Variants in FGF14 observed in about 807,000 individuals in gnomAD.
The protein encoded by FGF14 is fibroblast growth factor 14, also known as fibroblast growth factor homologous factor 4.
A neutral mutation model predicts 25.5 loss-of-function variants in FGF14; 5 were observed. The ratio of observed to expected loss-of-function variants is 0.20; its 90% CI spans 0.10 to 0.41. FGF14 has a LOEUF of 0.41. FGF14 is among the 10% of genes least tolerant of loss of function. The pLI, the probability that FGF14 is intolerant of heterozygous loss-of-function variation, is 1.00. For synonymous variants in FGF14, 138 were observed against 118.3 expected (o/e 1.17, Z -1.08); for missense variants, 222 against 320.1 (o/e 0.69, Z 2.34).
intron 1 of FGF14, among the ~76,000 whole-genome samples, chr13:102,147,444 T>C (rs1471023647): frequency 6.6e-6 from 1 of 152,184 alleles, no homozygotes; most frequent in Admixed American, 6.5e-5. Flanking sequence ...GAGAATGCAA[T>C]GCACAGATGA....
intron 1 of FGF14, among the ~76,000 whole-genome samples, chr13:102,169,428 G>A (rs939629675): frequency 2.6e-5 from 4 of 152,008 alleles, no homozygotes; most frequent in Admixed American, 6.6e-5. Flanking sequence ...CTCAGACAAA[G>A]TTTTGTGTGT....
At chr13:101,890,291 C>T (rs2046201930) in intron 1 of FGF14, among the ~76,000 whole-genome samples, 1 of 152,078 alleles carries the variant, frequency 6.6e-6, no homozygotes, top group African/African-American at 2.4e-5. Flanking sequence ...CAGTCCACAC[C>T]TGTAGCACAC....
chr13:101,851,462 CTTTGT>C (rs1444939570), intron 3 of FGF14, among the ~76,000 whole-genome samples: 4 of 152,026 alleles, frequency 2.6e-5, no homozygotes, highest in Non-Finnish European at 4.4e-5. Context: ...GTTTGCGGTA[CTTTGT>C]TACCGCAGTC....
intron 1 of FGF14, among the ~76,000 whole-genome samples, chr13:102,337,641 T>C (rs2138876378): frequency 6.6e-6 from 1 of 152,320 alleles, no homozygotes; most frequent in Non-Finnish European, 1.5e-5. Flanking sequence ...CATCATGTGC[T>C]ACAGAGAAAT....
At chr13:101,995,411 T>A (rs74700667) in intron 1 of FGF14, among the ~76,000 whole-genome samples, 1 of 152,270 alleles carries the variant, frequency 6.6e-6, no homozygotes, top group East Asian at 1.9e-4. Flanking sequence ...AGCAAAATAA[T>A]TGTTTTTCAG....
intron 1 of FGF14, among the ~76,000 whole-genome samples, chr13:101,943,188 G>T (rs2139329900): frequency 6.6e-6 from 1 of 152,294 alleles, no homozygotes; most frequent in East Asian, 1.9e-4. Context: ...TAGCTGGAAA[G>T]CCTATACTCT....
intron 1 of FGF14, among the ~76,000 whole-genome samples, chr13:102,345,568 T>C (rs961732442): frequency 6.6e-6 from 1 of 152,270 alleles, no homozygotes; most frequent in South Asian, 2.1e-4. Flanking sequence ...TTGTCTCATA[T>C]GTATATGTTG....
At chr13:101,762,297 T>C (rs1343239601) in intron 3 of FGF14, among the ~76,000 whole-genome samples, 1 of 152,234 alleles carries the variant, frequency 6.6e-6, no homozygotes, top group Admixed American at 6.5e-5. Context: ...ATTGGCAATA[T>C]ATGCCTTCAG....
intron 3 of FGF14, among the ~76,000 whole-genome samples, chr13:101,777,587 C>A (rs1386735911): frequency 1.3e-5 from 2 of 152,138 alleles, no homozygotes; most frequent in Non-Finnish European, 2.9e-5. Context: ...ATCACAGATG[C>A]ATCAACATCT....
intron 1 of FGF14, among the ~76,000 whole-genome samples, chr13:101,963,090 C>T (rs1482347871): frequency 6.6e-6 from 1 of 152,200 alleles, no homozygotes; most frequent in Non-Finnish European, 1.5e-5. Context: ...CATTCTCATG[C>T]CATTCAATCC....
intron 1 of FGF14, among the ~76,000 whole-genome samples, chr13:101,928,712 C>T (rs1187119153): frequency 1.3e-5 from 2 of 152,152 alleles, no homozygotes; most frequent in Admixed American, 1.3e-4. Context: ...CAGCAGCTCT[C>T]AGCCTGATTT....
intron 3 of FGF14, among the ~76,000 whole-genome samples, chr13:101,763,640 C>T (rs1242186335): frequency 2.6e-5 from 4 of 152,108 alleles, no homozygotes; most frequent in African/African-American, 9.7e-5. Context: ...AGGTGGATCA[C>T]CTGAGAGTAA....
At chr13:101,830,434 A>G (rs1450912588) in intron 3 of FGF14, among the ~76,000 whole-genome samples, 1 of 152,052 alleles carries the variant, frequency 6.6e-6, no homozygotes, top group East Asian at 1.9e-4. Context: ...GCTGCAGCAA[A>G]TGTTTCCAGT....
chr13:102,082,306 A>C (rs1441251605), intron 1 of FGF14, among the ~76,000 whole-genome samples: 1 of 150,618 alleles, frequency 6.6e-6, no homozygotes, highest in Non-Finnish European at 1.5e-5. Flanking sequence ...ATTCCTTAGC[A>C]TTATAAAAAA....
chr13:102,196,675 T>C (rs1370766199), intron 1 of FGF14, among the ~76,000 whole-genome samples: 1 of 152,214 alleles, frequency 6.6e-6, no homozygotes, highest in Non-Finnish European at 1.5e-5. Context: ...TCACATATAA[T>C]TTTTTGTGGC....
chr13:101,902,372 A>G (rs912669616), intron 1 of FGF14, among the ~76,000 whole-genome samples: 1 of 152,094 alleles, frequency 6.6e-6, no homozygotes, highest in African/African-American at 2.4e-5. Flanking sequence ...TAAATGAAAG[A>G]GGCTCATACG....
At chr13:101,958,899 G>C (rs142410892) in intron 1 of FGF14, among the ~76,000 whole-genome samples, 1 of 152,110 alleles carries the variant, frequency 6.6e-6, no homozygotes, top group Non-Finnish European at 1.5e-5. Flanking sequence ...TTTATCAATT[G>C]CATTTCTATC....
At chr13:102,273,197 G>C (rs1156778604) in intron 1 of FGF14, among the ~76,000 whole-genome samples, 4 of 152,174 alleles carry the variant, frequency 2.6e-5, no homozygotes, top group Non-Finnish European at 5.9e-5. Flanking sequence ...TCAAGCCCGT[G>C]CTGAGTAACT....
At chr13:102,205,069 C>A (rs1003633165) in intron 1 of FGF14, among the ~76,000 whole-genome samples, 6 of 152,196 alleles carry the variant, frequency 3.9e-5, no homozygotes, top group African/African-American at 1.4e-4. Flanking sequence ...CATCTTGAGA[C>A]AGCTTTCTTC....
Sources: allele counts gnomAD v4.1 joint callset (sites outside exome capture counted in the v4.1 genomes callset), GRCh38; gene constraint gnomAD v4.1.1; transcripts MANE v1.5; gene names NCBI Gene and HGNC (gene_info 2026-07-23, HGNC 2026-07-21).